THADA: variants seen among roughly 807,000 people sequenced by gnomAD.
THADA encodes THADA armadillo repeat containing.
Under a neutral mutation model 219.8 loss-of-function variants are expected in THADA, and 213 were observed. That is an observed-to-expected ratio of 0.97 (90% CI 0.87 to 1.09). The LOEUF is 1.09. Among genes scored for constraint, THADA ranks in the 50% least tolerant of loss-of-function variants. THADA has a pLI of 0.00. For missense variants in THADA, 2,956 were observed against 2,311.3 expected, an observed-to-expected ratio of 1.28 and a Z score of -5.72; for synonymous variants, 1,018 against 828.9, an observed-to-expected ratio of 1.23 and a Z score of -3.92.
chr2:43,275,340 G>A (rs1672611411), intron 36 of THADA, among the ~76,000 whole-genome samples: 1 of 152,134 alleles, frequency 6.6e-6, no homozygotes, highest in Non-Finnish European at 1.5e-5. Flanking sequence ...ATGGAGACGG[G>A]AATGGGAGGA....
intron 30 of THADA, among the ~76,000 whole-genome samples, chr2:43,338,952 CAA>C (rs1171910881): frequency 1.3e-5 from 2 of 151,906 alleles, no homozygotes; most frequent in Admixed American, 1.3e-4. Flanking sequence ...AGCTGTATCA[CAA>C]AGAGTTTGAA....
At chr2:43,248,370 C>T (rs1669477185) in intron 36 of THADA, among the ~76,000 whole-genome samples, 2 of 151,846 alleles carry the variant, frequency 1.3e-5, no homozygotes, top group Middle Eastern at 3.4e-3. Flanking sequence ...GCTGGGATTA[C>T]AGGCGTGCAC....
At chr2:43,290,263 T>G (rs1674534796) in intron 34 of THADA, among the ~76,000 whole-genome samples, 1 of 151,812 alleles carries the variant, frequency 6.6e-6, no homozygotes, top group Non-Finnish European at 1.5e-5. Context: ...TGAACCACCA[T>G]GTCTGGCCGT....
chr2:43,569,098 A>G (rs1699010512), intron 14 of THADA, among the ~76,000 whole-genome samples: 1 of 152,028 alleles, frequency 6.6e-6, no homozygotes, highest in South Asian at 2.1e-4. Context: ...AAGCCTCCAG[A>G]GTATCTGGGA....
At chr2:43,520,701 C>CATATAT (rs773152903) in intron 22 of THADA, among the ~76,000 whole-genome samples, 12 of 111,926 alleles carry the variant, frequency 1.1e-4, no homozygotes, top group African/African-American at 3.4e-4. Context: ...AATATTTATA[C>CATATAT]GTATATATAT....
At chr2:43,344,277 T>C (rs1379825785) in intron 29 of THADA, 40 bp from the exon 30 acceptor site, 28 of 1,441,258 alleles carry the variant, frequency 1.9e-5, no homozygotes, top group Non-Finnish European at 2.7e-5. Flanking sequence ...TGTGAAAATA[T>C]ATTTTTCCTA....
chr2:43,554,074 C>A (rs1697065239), intron 17 of THADA, among the ~76,000 whole-genome samples: 1 of 152,094 alleles, frequency 6.6e-6, no homozygotes, highest in Admixed American at 6.6e-5. Flanking sequence ...TTTTCAATTT[C>A]TTAATGGCAT....
intron 36 of THADA, among the ~76,000 whole-genome samples, chr2:43,256,590 A>T (rs1216687200): frequency 1.3e-5 from 2 of 149,498 alleles, no homozygotes; most frequent in African/African-American, 2.5e-5. Context: ...TAAAAAAAGA[A>T]AAATAAATAA....
chr2:43,585,485 T>C (rs1411868277), intron 7 of THADA, among the ~76,000 whole-genome samples: 3 of 151,078 alleles, frequency 2.0e-5, no homozygotes, highest in Non-Finnish European at 4.4e-5. Context: ...ACCACTGTAC[T>C]CAAGCCTGGG....
intron 15 of THADA, among the ~76,000 whole-genome samples, chr2:43,561,755 T>C (rs1698090486): frequency 6.6e-6 from 1 of 152,194 alleles, no homozygotes. Context: ...TCTTGTATAA[T>C]TGCTCTGGCT....
chr2:43,398,051 T>G lies in THADA; in HGVS notation c.4147A>C (p.Ile1383Leu). ...FVMIDHIPNT[I>L]RTLLSTLPSC... ...GGGAGTGTGGACAACAGAGTTCGAA[T>G]GGTATTAGGAATGTGATCTATCATA... Residue 1383 changes from isoleucine to leucine, a missense_variant, in exon 29 of 38, where the codon ATT (isoleucine) becomes CTT (leucine). By Grantham distance (5) the Ile-to-Leu change is conservative. Transcript: ENST00000405975. 6.2e-7 allele frequency: 1 copy of G among 1,613,976 alleles called. No homozygotes were observed. The highest frequency in any genetic ancestry group is 8.5e-7 in the Non-Finnish European group (1 of 1,179,864).
At chr2:43,278,283 A>G (rs1008977091) in intron 36 of THADA, among the ~76,000 whole-genome samples, 2 of 152,114 alleles carry the variant, frequency 1.3e-5, no homozygotes, top group African/African-American at 2.4e-5. Context: ...TGATCAATCA[A>G]TTGCCTAACT....
intron 25 of THADA, among the ~76,000 whole-genome samples, chr2:43,493,297 C>A (rs1210448389): frequency 6.6e-6 from 1 of 152,164 alleles, no homozygotes; most frequent in Non-Finnish European, 1.5e-5. Flanking sequence ...GAGATTGAGA[C>A]CATTCTAGCC....
chr2:43,514,842 A>G (rs1311219617), intron 22 of THADA, among the ~76,000 whole-genome samples: 903 of 73,738 alleles, frequency 0.012, 29 homozygotes, highest in African/African-American at 0.047. Context: ...TATATTTTAT[A>G]TATAATAATA....
At chr2:43,520,638 C>G in intron 22 of THADA, among the ~76,000 whole-genome samples, 1 of 151,720 alleles carries the variant, frequency 6.6e-6, no homozygotes, top group South Asian at 2.1e-4. Context: ...TGCAATGAGC[C>G]AATATCACAC....
chr2:43,547,778 C>G (rs1249795702), intron 20 of THADA, among the ~76,000 whole-genome samples: 1 of 152,136 alleles, frequency 6.6e-6, no homozygotes, highest in African/African-American at 2.4e-5. Context: ...TAAATTTTTT[C>G]AAAGTTTTCA....
At chr2:43,284,594 A>C (rs1438889568) in intron 35 of THADA, among the ~76,000 whole-genome samples, 1 of 152,188 alleles carries the variant, frequency 6.6e-6, no homozygotes. Flanking sequence ...GCCCTCATGG[A>C]GAACCTCTAT....
At chr2:43,484,043 T>C (rs1037824247) in intron 26 of THADA, among the ~76,000 whole-genome samples, 7 of 151,870 alleles carry the variant, frequency 4.6e-5, no homozygotes, top group African/African-American at 1.7e-4. Context: ...ATAAAAATTA[T>C]AATCATCCCT....
intron 26 of THADA, among the ~76,000 whole-genome samples, chr2:43,464,601 T>C (rs1015837334): frequency 2.0e-5 from 3 of 152,312 alleles, no homozygotes; most frequent in South Asian, 2.1e-4. Context: ...CGGCAAAGGC[T>C]GTCATCACAT....
Sources: allele counts gnomAD v4.1 joint callset (sites outside exome capture counted in the v4.1 genomes callset), GRCh38; gene constraint gnomAD v4.1.1; transcripts MANE v1.5; gene names NCBI Gene and HGNC (gene_info 2026-07-23, HGNC 2026-07-21).